Variants in RNF20 observed in about 807,000 individuals in gnomAD.
RNF20 encodes the protein E3 ubiquitin-protein ligase BRE1A.
A neutral mutation model predicts 126.2 loss-of-function variants in RNF20; 84 were observed. That is an observed-to-expected ratio of 0.67 (90% CI 0.56 to 0.80). RNF20 has a LOEUF of 0.80. Ranked by LOEUF, RNF20 falls within the 30% of genes least tolerant of loss-of-function variation. The probability of loss-of-function intolerance (pLI) is 0.00; values close to 1 mark genes in which losing one functional copy is unlikely to be tolerated. For missense variants in RNF20, 869 were observed against 1,188.2 expected (o/e 0.73, Z 3.95); for synonymous variants, 400 against 414.3 (o/e 0.97, Z 0.42).
chr9:101,554,709 C>G lies in RNF20; in HGVS notation c.2035C>G (p.Gln679Glu). Reference sequence around the variant, plus strand: ...CCTCTTATAGTTGGAAGATCTAAGGCAAAGACTCAAGGATCTGGAAGATAA... The same window carrying G: ...CCTCTTATAGTTGGAAGATCTAAGGGAAAGACTCAAGGATCTGGAAGATAA... ...KSKAELEDLR[Q>E]RLKDLEDKEK... Residue 679 changes from glutamine to glutamate, a missense_variant, in exon 15 of 20, where the codon CAA becomes GAA. Physicochemically the swap from Gln to Glu is conservative, Grantham distance 29. Transcript: ENST00000389120. The G allele has an allele frequency of 6.2e-7, 1 of 1,610,202 alleles. No individual in the cohort carries two copies. Among genetic ancestry groups the G allele is most frequent in the Non-Finnish European group, 8.5e-7 (1 of 1,177,672 alleles).
At chr9:101,544,650 T>C (rs1827317989) in intron 5 of RNF20, 117 bp from the exon 6 acceptor site, 1 of 637,594 alleles carries the variant, frequency 1.6e-6, no homozygotes, top group Admixed American at 2.6e-5. Context: ...GAGGTTGCAG[T>C]GAGCCGAGAT....
At chr9:101,546,403 C>G (rs1243381903) in intron 6 of RNF20, among the ~76,000 whole-genome samples, 1 of 151,896 alleles carries the variant, frequency 6.6e-6, no homozygotes, top group Non-Finnish European at 1.5e-5. Context: ...AATGGATTAC[C>G]TTTTGTGGGA....
intron 2 of RNF20, among the ~76,000 whole-genome samples, chr9:101,536,115 A>G (rs373583203): frequency 4.2e-4 from 64 of 152,362 alleles, no homozygotes; most frequent in African/African-American, 1.5e-3. Context: ...GTAAATAGTC[A>G]ATAAATGGGA....
At position 101,540,767 on chromosome 9, in the gene RNF20, T is replaced by G. The variant is rs748876328; in HGVS notation, c.446-26T>G. The G allele has an allele frequency of 2.1e-5, 33 of 1,594,370 alleles. No individual in the cohort carries two copies. The South Asian group carries it at 3.3e-4, about 16-fold the overall frequency. ...TTTCCAGTTTATAATTTTGGGGGGCTTCTTTTTTTCCCCCTGTGTCCTCAG... is the reference window on the plus strand; with the variant it reads ...TTTCCAGTTTATAATTTTGGGGGGCGTCTTTTTTTCCCCCTGTGTCCTCAG... On this transcript the variant is annotated intron_variant, in intron 4 of 19. Transcript: ENST00000389120.
chr9:101,547,225 T>C lies in RNF20; in HGVS notation c.972+11T>C. ...ATCAATGCTCGGAAGGTAAAATCAG[T>C]GACTCAGGACATGTTTTGGACTGTA... On this transcript the variant is annotated intron_variant, in intron 8 of 19. Coordinates refer to ENST00000389120, the MANE Select transcript of RNF20 (RefSeq NM_019592.7). 6.2e-7 allele frequency: 1 copy of C among 1,613,810 alleles called. No homozygotes were observed.
At chr9:101,557,706 T>A (rs888768854) in intron 16 of RNF20, 110 bp downstream of exon 16, 2 of 764,854 alleles carry the variant, frequency 2.6e-6, no homozygotes, top group Non-Finnish European at 2.1e-6. Flanking sequence ...TGGAAAAAAA[T>A]TTGAAAACTA....
In RNF20 at chr9:101,560,931, G is replaced by A. The variant is rs781759170; in HGVS notation, c.2508+5G>A. ...TTAGAGATGAATAAACGCAAGGTAT[G>A]ATTGATTAATCTAATGATGGTTAGT... On this transcript the variant is annotated splice_donor_5th_base_variant and intron_variant, in intron 17 of 19. Transcript: ENST00000389120. The A allele has an allele frequency of 5.6e-6, 9 of 1,608,720 alleles. No individual in the cohort carries two copies. Among genetic ancestry groups the A allele is most frequent in the Non-Finnish European group, 4.2e-6 (5 of 1,178,328 alleles).
Position 101,554,190 on chromosome 9 carries a change from C to A in RNF20, c.2019+85C>A, listed in dbSNP as rs887509414. 22 of 731,596 alleles carry A rather than the reference C, an allele frequency of 3.0e-5. No homozygotes were observed. In the African/African-American group the frequency reaches 3.4e-4, roughly 11 times the overall value. 45.3% of individuals were successfully genotyped at this position (731,596 alleles called of 1,614,324 possible). On this transcript the variant is annotated intron_variant, in intron 14 of 19. Coordinates refer to ENST00000389120, the MANE Select transcript of RNF20 (RefSeq NM_019592.7). Reference sequence around the variant, plus strand: ...TTTATACTTGCCAACGATATAATTTCTTTCTTTATCTTTAAAATAAGTGTT... The same window carrying A: ...TTTATACTTGCCAACGATATAATTTATTTCTTTATCTTTAAAATAAGTGTT...
chr9:101,540,689 T>C (rs1214224014), intron 4 of RNF20, 52 bp downstream of exon 4: 3 of 1,603,774 alleles, frequency 1.9e-6, no homozygotes, highest in African/African-American at 2.7e-5. Flanking sequence ...GTTTTTAAAG[T>C]AGAGCTCTGC....
At chr9:101,556,634 A>G (rs1030599228) in intron 15 of RNF20, among the ~76,000 whole-genome samples, 18 of 152,202 alleles carry the variant, frequency 1.2e-4, no homozygotes, top group African/African-American at 3.9e-4. Context: ...AGACCTTTCT[A>G]TGAATAAAAG....
chr9:101,552,742 G>T lies in RNF20; in HGVS notation c.1890G>T (p.Lys630Asn). The T allele has an allele frequency of 6.2e-7, 1 of 1,606,312 alleles. No homozygotes were observed. Among genetic ancestry groups the T allele is most frequent in the Non-Finnish European group, 8.5e-7 (1 of 1,175,820 alleles). Residue 630 changes from lysine to asparagine, a missense_variant, in exon 13 of 20, where the codon AAG becomes AAT. Lys to Asn is a moderately conservative substitution (Grantham distance 94). Around this residue, in one of 8 missense-constraint regions of RNF20, gnomAD observed 231 missense variants for 263.6 expected, o/e 0.88. Transcript: ENST00000389120. Reference sequence around the variant, plus strand: ...AAGCAGAAATTATCAAACAATTGAAGATTGAACTCAAGTAAGAACCACATT... The same window carrying T: ...AAGCAGAAATTATCAAACAATTGAATATTGAACTCAAGTAAGAACCACATT... ...KKEAEIIKQL[K>N]IELKKAQESQ...
intron 11 of RNF20, 39 bp downstream of exon 11, chr9:101,551,858 A>G (rs1279845665): frequency 1.3e-6 from 2 of 1,567,828 alleles, no homozygotes; most frequent in Admixed American, 2.0e-5. Flanking sequence ...TTTGCTCTTA[A>G]TACCTTCCTT....
rs186770836 is a variant in RNF20 at position 101,560,992 on chromosome 9, T to C, written c.2508+66T>C. ...CAAATAAGTATAACACTGTTGAGAT[T>C]GTAAGTTCGCTTTATTCCTTCAACT... is the stretch of plus-strand genomic sequence containing the variant. On this transcript the variant is annotated intron_variant, in intron 17 of 19. Coordinates refer to ENST00000389120, the MANE Select transcript of RNF20 (RefSeq NM_019592.7). The C allele has an allele frequency of 1.8e-5, 29 of 1,598,068 alleles. No individual in the cohort carries two copies. The South Asian group carries it at 2.1e-4, about 12-fold the overall frequency.
chr9:101,539,875 G>T (rs1305998694), intron 2 of RNF20, among the ~76,000 whole-genome samples: 2 of 151,948 alleles, frequency 1.3e-5, no homozygotes, highest in African/African-American at 4.8e-5. Context: ...TGGTGCTTAC[G>T]AGATAGAAGA....
chr9:101,562,155 G>T (rs1827637668), intron 19 of RNF20, 91 bp from the exon 20 acceptor site: 3 of 1,409,756 alleles, frequency 2.1e-6, no homozygotes, highest in Non-Finnish European at 2.9e-6. Context: ...TTAGTGCCTT[G>T]TGGGTTTTCT....
At position 101,540,985 on chromosome 9, in the gene RNF20, G is replaced by A. The variant is rs374568065; in HGVS notation, c.628+10G>A. The A allele has an allele frequency of 1.9e-6, 3 of 1,610,160 alleles. No individual in the cohort carries two copies. In the South Asian group the frequency reaches 3.3e-5, roughly 18 times the overall value. ...AAGCTAAACAGTGGAGGTGAGGCAA[G>A]ACCCTGGAGGCCGGGAGTAGTGGAG... On this transcript the variant is annotated intron_variant, in intron 5 of 19. Coordinates refer to ENST00000389120, the MANE Select transcript of RNF20 (RefSeq NM_019592.7).
Position 101,561,157 on chromosome 9 carries a change from A to T in RNF20, c.2576A>T (p.His859Leu). 1 of 1,613,968 alleles carries T rather than the reference A, an allele frequency of 6.2e-7. No homozygotes were observed. The highest frequency in any genetic ancestry group is 8.5e-7 in the Non-Finnish European group (1 of 1,179,842). The change falls in exon 18 of 20, where the codon CAT becomes CTT. Residue 859 changes from histidine (H) to leucine (L), a missense_variant. By Grantham distance (99) the His-to-Leu change is moderately conservative. Coordinates refer to ENST00000389120, the MANE Select transcript of RNF20 (RefSeq NM_019592.7). Reference protein sequence around the residue: ...AQLELAQKKLHDFQDEIVENS... With the variant: ...AQLELAQKKLLDFQDEIVENS... ...CTGGAGTTGGCTCAGAAGAAGCTAC[A>T]TGATTTTCAGGATGAGATCGTGGAG...
chr9:101,544,952 G>T, intron 6 of RNF20, 67 bp downstream of exon 6: 4 of 983,482 alleles, frequency 4.1e-6, no homozygotes, highest in Middle Eastern at 2.1e-4. Flanking sequence ...TTACAATTCT[G>T]AGCACCTCAA....
At chr9:101,550,833 A>C (rs1243046472) in intron 10 of RNF20, 48 bp downstream of exon 10, 1 of 1,456,994 alleles carries the variant, frequency 6.9e-7, no homozygotes, top group Non-Finnish European at 9.6e-7. Flanking sequence ...TTGCCTCCTA[A>C]ATTTTACAAT....
Sources: allele counts gnomAD v4.1 joint callset (sites outside exome capture counted in the v4.1 genomes callset), GRCh38; gene constraint gnomAD v4.1.1; regional missense constraint gnomAD v4.1.1; transcripts MANE v1.5; gene names NCBI Gene and HGNC (gene_info 2026-07-23, HGNC 2026-07-21).